The following CLGN variants were observed in gnomAD, a reference collection of about 807,000 sequenced individuals.
CLGN encodes the protein testis tissue sperm-binding protein Li 79P.
Under a neutral mutation model 79.1 loss-of-function variants are expected in CLGN, and 62 were observed. That is an observed-to-expected ratio of 0.78 (90% CI 0.64 to 0.97). CLGN has a LOEUF of 0.97. CLGN is among the 50% of genes least tolerant of loss of function. The pLI is 0.00. For synonymous variants in CLGN, 225 were observed against 224.7 expected, an observed-to-expected ratio of 1.00 and a Z score of -0.01; for missense variants, 647 against 715.5, an observed-to-expected ratio of 0.90 and a Z score of 1.09.
In CLGN at chr4:140,406,063, A is replaced by C. The variant is rs760145381; in HGVS notation, c.298T>G (p.Leu100Val). 2.5e-6 allele frequency: 4 copies of C among 1,611,876 alleles called. No homozygotes were observed. The East Asian group carries it at 8.9e-5, about 36-fold the overall frequency. ...TCACCAGGTACCTGGTTTTCTTTCA[A>C]CTCTTCAATTTCCCATCTTCCTAAA... is the stretch of plus-strand genomic sequence containing the variant. ...IYDGRWEIEE[L>V]KENQVPGDRG... Residue 100 changes from leucine (L) to valine (V), a missense_variant, in exon 5 of 15, where the codon TTG becomes GTG. Coordinates refer to ENST00000325617, the MANE Select transcript of CLGN (RefSeq NM_004362.3).
At chr4:140,407,752 A>G (rs763889564) in intron 4 of CLGN, among the ~76,000 whole-genome samples, 31 of 152,150 alleles carry the variant, frequency 2.0e-4, no homozygotes, top group Non-Finnish European at 3.7e-4. Flanking sequence ...GAAAATGATC[A>G]TAGCGCCCAA....
intron 1 of CLGN, among the ~76,000 whole-genome samples, chr4:140,422,081 T>C (rs561362089): frequency 5.7e-4 from 87 of 152,310 alleles, no homozygotes; most frequent in Non-Finnish European, 8.7e-4. Context: ...TAAAAAAAAT[T>C]TGAACATATA....
Position 140,400,517 on chromosome 4 carries a change from A to G in CLGN, c.534T>C (p.Ile178=). The G allele has an allele frequency of 6.2e-7, 1 of 1,601,248 alleles. No homozygotes were observed. Among genetic ancestry groups the G allele is most frequent in the Non-Finnish European group, 8.5e-7 (1 of 1,170,558 alleles). ...ENFYDKTSYI[I]MFGPDKCGED... is the part of the protein sequence containing the mutation. Reference sequence around the variant, plus strand: ...CTCCACATTTATCTGGTCCAAACATAATGATATAGGATGTTTTATCATAAA... The same window carrying G: ...CTCCACATTTATCTGGTCCAAACATGATGATATAGGATGTTTTATCATAAA... The change falls in exon 7 of 15, where the codon ATT becomes ATC. Residue 178 remains isoleucine, a synonymous_variant. Coordinates refer to ENST00000325617, the MANE Select transcript of CLGN (RefSeq NM_004362.3).
Position 140,390,596 on chromosome 4 carries a change from C to T in CLGN, c.1752+32G>A, listed in dbSNP as rs199887896. 5.5e-4 allele frequency: 811 copies of T among 1,472,424 alleles called. 5 individuals are homozygous for T. The African/African-American group carries it at 0.01, about 19-fold the overall frequency. 91.2% of individuals were successfully genotyped at this position (1,472,424 alleles called of 1,614,324 possible). On this transcript the variant is annotated intron_variant, in intron 14 of 14. Transcript: ENST00000325617. ...TGAAAAAACTTTTTATGGATAACAACTATACATAGAAACCAGCTTATTTTC... is the reference window on the plus strand; with the variant it reads ...TGAAAAAACTTTTTATGGATAACAATTATACATAGAAACCAGCTTATTTTC...
At chr4:140,419,766 G>C (rs918152062) in intron 1 of CLGN, among the ~76,000 whole-genome samples, 6 of 152,036 alleles carry the variant, frequency 3.9e-5, no homozygotes, top group Non-Finnish European at 7.4e-5. Context: ...TCATTAACTA[G>C]GATTTGATCT....
chr4:140,406,129 A>G (rs779950182), intron 4 of CLGN, 46 bp from the exon 5 acceptor site: 2 of 1,568,642 alleles, frequency 1.3e-6, no homozygotes, highest in African/African-American at 2.7e-5. Flanking sequence ...GAAAACATTG[A>G]CCTAAGAATT....
chr4:140,413,378 C>G (rs1278313365), intron 1 of CLGN, among the ~76,000 whole-genome samples: 1 of 152,148 alleles, frequency 6.6e-6, no homozygotes, highest in Non-Finnish European at 1.5e-5. Context: ...AGGAACAGCT[C>G]CCGTCTACAG....
In CLGN at chr4:140,389,197, C is replaced by G; in HGVS notation, c.*27G>C. ...TTTTTACAATGCCAAACATCCCTCT[C>G]GGGAATTAAAAATATTTCAATCTAG... is the stretch of plus-strand genomic sequence containing the variant. On this transcript the variant is annotated 3_prime_UTR_variant, in exon 15 of 15. Transcript: ENST00000325617. 2.5e-6 allele frequency: 4 copies of G among 1,579,566 alleles called. No homozygotes were observed. Among genetic ancestry groups the G allele is most frequent in the Non-Finnish European group, 2.6e-6 (3 of 1,149,992 alleles).
At chr4:140,390,570 T>C in intron 14 of CLGN, 58 bp downstream of exon 14, 4 of 1,181,860 alleles carry the variant, frequency 3.4e-6, no homozygotes, top group Non-Finnish European at 3.5e-6. Flanking sequence ...GGTGCTTTTA[T>C]TGAAAAAACT....
At chr4:140,407,779 A>G (rs974798629) in intron 4 of CLGN, among the ~76,000 whole-genome samples, 2 of 152,152 alleles carry the variant, frequency 1.3e-5, no homozygotes, top group African/African-American at 4.8e-5. Flanking sequence ...CTACAGATTC[A>G]GTGTGATTAT....
intron 11 of CLGN, 73 bp from the exon 12 acceptor site, chr4:140,392,784 A>G: frequency 6.5e-6 from 9 of 1,394,748 alleles, no homozygotes; most frequent in Non-Finnish European, 8.5e-6. Context: ...AGATACAAAA[A>G]AACTTATTTA....
rs752036983 is a variant in CLGN at position 140,395,840 on chromosome 4, C to A, written c.1128G>T (p.Leu376=). 2.6e-6 allele frequency: 4 copies of A among 1,519,262 alleles called. No individual in the cohort carries two copies. Among genetic ancestry groups the A allele is most frequent in the Non-Finnish European group, 2.6e-6 (3 of 1,140,826 alleles). 94.1% of individuals were successfully genotyped at this position (1,519,262 alleles called of 1,614,324 possible). A position where few individuals can be genotyped will look rare whatever the true frequency, so the allele number is the denominator to read the frequency against. The part of the protein sequence containing the change: ...PKYKGVWRPP[L]VDNPNYQGIW... The stretch of plus-strand genomic sequence containing the variant: ...TTACCTGATAGTTAGGATTATCGAC[C>A]AGTGGAGGTCTCCATACTCCTTTGT... The change falls in exon 10 of 15, where the codon CTG becomes CTT. Residue 376 remains leucine (L), a synonymous_variant. Transcript: ENST00000325617.
chr4:140,413,637 C>T (rs576719792), intron 1 of CLGN, among the ~76,000 whole-genome samples: 26 of 152,334 alleles, frequency 1.7e-4, no homozygotes, highest in African/African-American at 6.0e-4. Context: ...CGGAATACTG[C>T]GCTTTTCCAA....
At chr4:140,423,124 A>C (rs1729502085) in intron 1 of CLGN, among the ~76,000 whole-genome samples, 1 of 152,182 alleles carries the variant, frequency 6.6e-6, no homozygotes, top group Admixed American at 6.5e-5. Flanking sequence ...CTAGATCTTA[A>C]AGGAAAAGCT....
intron 5 of CLGN, among the ~76,000 whole-genome samples, chr4:140,402,809 T>C (rs969988249): frequency 1.3e-5 from 2 of 152,078 alleles, no homozygotes; most frequent in Non-Finnish European, 2.9e-5. Context: ...AATTAACGAA[T>C]TATATGTGAC....
Position 140,393,858 on chromosome 4 carries a change from T to C in CLGN, c.1333A>G (p.Arg445Gly). The change falls in exon 11 of 15, where the codon AGA becomes GGA. Residue 445 changes from arginine to glycine, a missense_variant. Coordinates refer to ENST00000325617, the MANE Select transcript of CLGN (RefSeq NM_004362.3). ...VADHWAADGW[R>G]WKIMIANANK... is the part of the protein sequence containing the mutation. The stretch of plus-strand genomic sequence containing the variant: ...GCATTTGCTATCATTATTTTCCATC[T>C]CCAACCATCTGCAGCCCAGTGATCT... 1 of 1,613,718 alleles carries C rather than the reference T, an allele frequency of 6.2e-7. No homozygotes were observed.
At chr4:140,426,022 G>T (rs1045001014) in intron 1 of CLGN, among the ~76,000 whole-genome samples, 3 of 152,066 alleles carry the variant, frequency 2.0e-5, no homozygotes, top group Non-Finnish European at 4.4e-5. Flanking sequence ...AGTTTTAATG[G>T]CTGACTGAGG....
intron 1 of CLGN, among the ~76,000 whole-genome samples, chr4:140,413,481 G>A (rs544035637): frequency 6.6e-5 from 10 of 152,338 alleles, no homozygotes; most frequent in South Asian, 2.1e-4. Context: ...GACAGTGGGC[G>A]CAGGTCAGTG....
In CLGN at chr4:140,410,584, C is replaced by A. The variant is rs768685773; in HGVS notation, c.187G>T (p.Ala63Ser). 2.0e-5 allele frequency: 32 copies of A among 1,603,770 alleles called. No individual in the cohort carries two copies. Among genetic ancestry groups the A allele is most frequent in the Non-Finnish European group, 2.7e-5 (32 of 1,171,290 alleles). ...TPQPIGEVYF[A>S]ETFDSGRLAG... ...AACCTTCCACTATCAAAAGTTTCTG[C>A]AAAATATACTTCTCCTATAGGTTGA... Residue 63 changes from alanine (A) to serine (S), a missense_variant, in exon 3 of 15, where the codon GCA becomes TCA. Transcript: ENST00000325617.
Sources: gnomAD v4.1 joint callset for allele counts (sites outside exome capture counted in the v4.1 genomes callset) on GRCh38, gnomAD v4.1.1 for gene constraint, MANE v1.5 for transcripts, NCBI Gene and HGNC (gene_info 2026-07-23, HGNC 2026-07-21) for gene names.